CACNA1C: variants seen among roughly 807,000 people sequenced by gnomAD.
The protein encoded by CACNA1C is calcium voltage-gated channel subunit alpha1 C.
Under a neutral mutation model 229.0 loss-of-function variants are expected in CACNA1C, and 30 were observed. The ratio of observed to expected loss-of-function variants is 0.13; its 90% CI spans 0.10 to 0.18. The LOEUF (loss-of-function observed/expected upper bound fraction) is 0.18, where lower values mean the gene tolerates loss of function less well. Among genes scored for constraint, CACNA1C ranks in the 10% least tolerant of loss-of-function variants. The probability of loss-of-function intolerance (pLI) is 1.00; values close to 1 mark genes in which losing one functional copy is unlikely to be tolerated. For synonymous variants in CACNA1C, 1,114 were observed against 1,132.5 expected (o/e 0.98, Z 0.33); for missense variants, 1,658 against 2,845.0 (o/e 0.58, Z 9.49).
At chr12:2,075,784 G>A (rs943378245) in intron 1 of CACNA1C, among the ~76,000 whole-genome samples, 3 of 152,212 alleles carry the variant, frequency 2.0e-5, no homozygotes, top group African/African-American at 7.2e-5. Flanking sequence ...GTCCTGGCTT[G>A]TGCTGTGCCC....
At chr12:2,101,724 G>C (rs73603744) in intron 1 of CACNA1C, among the ~76,000 whole-genome samples, 4,572 of 152,158 alleles carry the variant, frequency 0.03, 224 homozygotes, top group African/African-American at 0.1. Flanking sequence ...GAATGCGCAG[G>C]GTGAGTGAGG....
At chr12:2,412,593 T>C (rs778037922) in intron 3 of CACNA1C, among the ~76,000 whole-genome samples, 5 of 152,246 alleles carry the variant, frequency 3.3e-5, no homozygotes, top group Non-Finnish European at 7.3e-5. Context: ...CCTATCTCTG[T>C]CATTAATTCA....
chr12:2,555,447 G>T (rs1050999429), intron 10 of CACNA1C, among the ~76,000 whole-genome samples: 7 of 152,248 alleles, frequency 4.6e-5, no homozygotes, highest in African/African-American at 1.7e-4. Flanking sequence ...ACAGCAAGGG[G>T]AGACAACCAC....
chr12:2,587,367 T>C (rs867311049), intron 18 of CACNA1C, among the ~76,000 whole-genome samples: 57 of 152,316 alleles, frequency 3.7e-4, no homozygotes, highest in Admixed American at 1.8e-3. Flanking sequence ...ACAAATTCCT[T>C]AGAGCCCTGA....
chr12:2,586,254 CTTAATA>C (rs1471535671), intron 18 of CACNA1C, among the ~76,000 whole-genome samples: 4 of 152,112 alleles, frequency 2.6e-5, no homozygotes, highest in South Asian at 2.1e-4. Flanking sequence ...ATTATGCTCA[CTTAATA>C]TTAATAGTCA....
At chr12:2,596,203 C>G in intron 20 of CACNA1C, 200 bp downstream of exon 20, 1 of 486,220 alleles carries the variant, frequency 2.1e-6, no homozygotes, top group Non-Finnish European at 3.6e-6. Context: ...AGCATGTACC[C>G]AAATGCTCAG....
chr12:2,345,670 CT>C (rs1367345259), intron 3 of CACNA1C, among the ~76,000 whole-genome samples: 2 of 152,126 alleles, frequency 1.3e-5, no homozygotes, highest in Admixed American at 1.3e-4. Context: ...TACAAGGTGA[CT>C]TTTGTCTCCT....
chr12:2,687,928 C>T (rs1157267945), intron 45 of CACNA1C, among the ~76,000 whole-genome samples: 1 of 152,218 alleles, frequency 6.6e-6, no homozygotes, highest in Non-Finnish European at 1.5e-5. Flanking sequence ...ATGAATGGCC[C>T]CATTAACTGT....
rs111606207 is a variant in CACNA1C, at chr12:2,607,008, C to A, written c.3234C>A (p.Asp1078Glu). The A allele has an allele frequency of 1.9e-5, 31 of 1,613,956 alleles. No individual in the cohort carries two copies. Among genetic ancestry groups the A allele is most frequent in the Non-Finnish European group, 2.6e-5 (31 of 1,179,858 alleles). Residue 1078 changes from aspartate to glutamate, a missense_variant, in exon 26 of 47, where the codon GAC becomes GAA. Transcript: ENST00000399655. ...ECKGNYITYKDGEVDHPIIQP... is the reference protein window; with the variant it reads ...ECKGNYITYKEGEVDHPIIQP... ...GGGGCAACTACATCACGTACAAAGACGGGGAGGTTGACCACCCCATCATCC... is the reference window on the plus strand; with the variant it reads ...GGGGCAACTACATCACGTACAAAGAAGGGGAGGTTGACCACCCCATCATCC...
At chr12:2,682,404 A>C (rs1250501106) in intron 42 of CACNA1C, 146 bp from the exon 43 acceptor site, 3 of 943,584 alleles carry the variant, frequency 3.2e-6, no homozygotes, top group Admixed American at 2.3e-5. Flanking sequence ...AAGCACCAGC[A>C]ACTGTATGCC....
At chr12:2,388,869 A>C (rs557621226) in intron 3 of CACNA1C, among the ~76,000 whole-genome samples, 1 of 152,184 alleles carries the variant, frequency 6.6e-6, no homozygotes, top group Non-Finnish European at 1.5e-5. Flanking sequence ...GGCAGTGTCT[A>C]TGACATATCC....
In CACNA1C at chr12:2,665,213, T is replaced by A. The variant is rs1249474806; in HGVS notation, c.4398+223T>A. The stretch of plus-strand genomic sequence containing the variant: ...CTTGCTTGTCTGTTCTTGGCTGTTG[T>A]CATGGTGGCATTGTCCCAGAGGACA... On this transcript the variant is annotated intron_variant, in intron 35 of 46. Coordinates refer to ENST00000399655, the MANE Select transcript of CACNA1C (RefSeq NM_000719.7). This position sits in a 1 kb window ranked among gnomAD's most constrained non-coding sequence, Gnocchi z 5.9. Among the ~76,000 whole-genome samples the A allele has an allele frequency of 1.3e-5, 2 of 152,208 alleles. No homozygotes were observed. The highest frequency in any genetic ancestry group is 1.9e-4 in the East Asian group (1 of 5,192).
rs1437544488 is a variant in CACNA1C, at chr12:2,379,347, T to A, written c.478-69629T>A. On this transcript the variant is annotated intron_variant, in intron 3 of 46. Transcript: ENST00000399655. ...CCCTTTATTTAGCTCCTTCAGCCTT[T>A]TAGAGAAATCTTAAGTAACCGTTCA... Among the ~76,000 whole-genome samples, 3 of 152,252 alleles carry A rather than the reference T, an allele frequency of 2.0e-5. No individual in the cohort carries two copies. The East Asian group carries it at 5.8e-4, about 29-fold the overall frequency.
chr12:2,391,371 C>G (rs762614797), intron 3 of CACNA1C, among the ~76,000 whole-genome samples: 3 of 152,122 alleles, frequency 2.0e-5, no homozygotes, highest in Non-Finnish European at 4.4e-5. Flanking sequence ...ACTCAGAGAG[C>G]AAGTGTGGAG....
chr12:2,110,423 C>G (rs2081206718), intron 1 of CACNA1C, among the ~76,000 whole-genome samples: 1 of 152,202 alleles, frequency 6.6e-6, no homozygotes, highest in Non-Finnish European at 1.5e-5. Context: ...GTGGGAGCAT[C>G]CGTGGAAACA....
chr12:2,249,748 A>G (rs1320819928), intron 3 of CACNA1C, among the ~76,000 whole-genome samples: 1 of 150,352 alleles, frequency 6.7e-6, no homozygotes, highest in Non-Finnish European at 1.5e-5. Context: ...GCTCCGAATC[A>G]GTGACATCTG....
Position 2,348,320 on chromosome 12 carries a change from T to C in CACNA1C, c.478-100656T>C, listed in dbSNP as rs1317447041. 6.6e-6 allele frequency among the ~76,000 whole-genome samples: 1 copy of C among 152,192 alleles called. No individual in the cohort carries two copies. The highest frequency in any genetic ancestry group is 1.9e-4 in the East Asian group (1 of 5,180). On this transcript the variant is annotated intron_variant, in intron 3 of 46. Transcript: ENST00000399655. This position sits in a 1 kb window ranked among gnomAD's most constrained non-coding sequence, Gnocchi z 4.7. ...CCGTCCTGAGTGCTGGCCCTGAGGA[T>C]CTAGACCCTTTGGATCCTATGTGCG...
chr12:1,995,225 AC>A (rs2040512195), intron 1 of CACNA1C, among the ~76,000 whole-genome samples: 1 of 151,346 alleles, frequency 6.6e-6, no homozygotes, highest in African/African-American at 2.4e-5. Flanking sequence ...TTAAAAAAAA[AC>A]CCTACTAAAA....
chr12:2,522,838 A>G (rs1020362520), intron 9 of CACNA1C, among the ~76,000 whole-genome samples: 1 of 152,140 alleles, frequency 6.6e-6, no homozygotes. Context: ...ATCATCTCAC[A>G]TGGGTATTGT....
Sources: gnomAD v4.1 joint callset for allele counts (sites outside exome capture counted in the v4.1 genomes callset) on GRCh38, gnomAD v4.1.1 for gene constraint, Gnocchi (gnomAD v3.1) non-coding constraint, MANE v1.5 for transcripts, NCBI Gene and HGNC (gene_info 2026-07-23, HGNC 2026-07-21) for gene names.